The following ST6GAL2 variants were observed in gnomAD, a reference collection of about 807,000 sequenced individuals.
ST6GAL2 encodes the protein beta-galactoside alpha-2,6-sialyltransferase 2.
ST6GAL2 carries 24 observed loss-of-function variants against 37.5 expected under a neutral mutation model. The ratio of observed to expected loss-of-function variants is 0.64; its 90% CI spans 0.46 to 0.90. ST6GAL2 has a LOEUF of 0.90. ST6GAL2 is among the 40% of genes least tolerant of loss of function. The pLI, the probability that ST6GAL2 is intolerant of heterozygous loss-of-function variation, is 0.00. For synonymous variants in ST6GAL2, 306 were observed against 295.1 expected (o/e 1.04, Z -0.38); for missense variants, 715 against 712.7 (o/e 1.00, Z -0.04).
At chr2:106,853,352 G>A (rs1677451178) in intron 1 of ST6GAL2, among the ~76,000 whole-genome samples, 1 of 152,230 alleles carries the variant, frequency 6.6e-6, no homozygotes, top group East Asian at 1.9e-4. Flanking sequence ...CATTTCCAAA[G>A]AGACTACAGG....
intron 1 of ST6GAL2, among the ~76,000 whole-genome samples, chr2:106,880,090 T>A (rs1287406283): frequency 6.6e-6 from 1 of 151,536 alleles, no homozygotes; most frequent in Non-Finnish European, 1.5e-5. Flanking sequence ...TGACATACTT[T>A]TAAAAGAAAA....
intron 3 of ST6GAL2, 22 bp from the exon 4 acceptor site, chr2:106,832,688 A>T (rs1295812309): frequency 6.8e-7 from 1 of 1,466,930 alleles, no homozygotes; most frequent in Admixed American, 1.7e-5. Flanking sequence ...CAGAAAAACC[A>T]TTTCAAAGCC....
intron 1 of ST6GAL2, among the ~76,000 whole-genome samples, chr2:106,860,145 G>A (rs1221018109): frequency 2.6e-5 from 4 of 152,140 alleles, no homozygotes; most frequent in Non-Finnish European, 5.9e-5. Context: ...CCTCCAGCAT[G>A]TTTGCATCCC....
chr2:106,856,545 C>T (rs1330017240), intron 1 of ST6GAL2, among the ~76,000 whole-genome samples: 2 of 152,214 alleles, frequency 1.3e-5, no homozygotes, highest in Non-Finnish European at 2.9e-5. Context: ...ATTTTACCCT[C>T]CTCTGTTTGA....
intron 1 of ST6GAL2, among the ~76,000 whole-genome samples, chr2:106,884,954 T>C (rs1231726803): frequency 6.0e-5 from 7 of 117,350 alleles, no homozygotes; most frequent in African/African-American, 2.5e-4. Flanking sequence ...CACACACATA[T>C]ATACATATGT....
chr2:106,870,342 A>G (rs371633308), intron 1 of ST6GAL2, among the ~76,000 whole-genome samples: 18 of 152,220 alleles, frequency 1.2e-4, no homozygotes, highest in Admixed American at 4.6e-4. Flanking sequence ...AGGGTGAAAA[A>G]CGTGAAAACT....
chr2:106,831,551 C>G (rs2104471554), intron 4 of ST6GAL2, among the ~76,000 whole-genome samples: 1 of 152,170 alleles, frequency 6.6e-6, no homozygotes, highest in East Asian at 1.9e-4. Context: ...ATCAAAGAGC[C>G]CTCTCAAAAA....
intron 1 of ST6GAL2, among the ~76,000 whole-genome samples, chr2:106,883,144 T>C (rs1424585135): frequency 6.6e-6 from 1 of 152,170 alleles, no homozygotes; most frequent in Non-Finnish European, 1.5e-5. Context: ...GTATTTCACC[T>C]GTGGACTAGG....
chr2:106,819,256 C>T (rs902991009), intron 5 of ST6GAL2, among the ~76,000 whole-genome samples: 1 of 151,540 alleles, frequency 6.6e-6, no homozygotes, highest in Non-Finnish European at 1.5e-5. Flanking sequence ...TATAGAACAC[C>T]AAGCAGATTT....
Position 106,806,757 on chromosome 2 carries a change from T to C in ST6GAL2, c.1511A>G (p.His504Arg). ...GGGAAGAACCACCTTGCCCTTGCGA[T>C]GCAAATCCCCCTGCGTGCCCATGTT... is the stretch of plus-strand genomic sequence containing the variant. ...RLNMGTQGDL[H>R]RKGKVVLPGF... Residue 504 changes from histidine (H) to arginine (R), a missense_variant, in exon 6 of 6, where the codon CAT becomes CGT. Around this residue, in one of 3 missense-constraint regions of ST6GAL2, gnomAD observed 198 missense variants for 203.6 expected, o/e 0.97. Transcript: ENST00000409382. 2 of 1,614,196 alleles carry C rather than the reference T, an allele frequency of 1.2e-6. No individual in the cohort carries two copies. Among genetic ancestry groups the C allele is most frequent in the African/African-American group, 1.3e-5 (1 of 75,058 alleles).
chr2:106,842,885 C>G, intron 2 of ST6GAL2, 150 bp downstream of exon 2: 1 of 504,302 alleles, frequency 2.0e-6, no homozygotes, highest in South Asian at 6.4e-5. Flanking sequence ...TGGGAAAGCA[C>G]CTGAAGAATC....
intron 1 of ST6GAL2, among the ~76,000 whole-genome samples, chr2:106,882,904 C>T (rs115034711): frequency 2.9e-3 from 442 of 152,330 alleles, no homozygotes; most frequent in African/African-American, 0.01. Flanking sequence ...CCGCAGTGGG[C>T]AGCATGCCTC....
At chr2:106,876,045 A>G (rs1442952068) in intron 1 of ST6GAL2, among the ~76,000 whole-genome samples, 1 of 152,138 alleles carries the variant, frequency 6.6e-6, no homozygotes, top group Admixed American at 6.5e-5. Flanking sequence ...GCTCACTGCA[A>G]TCTTGAACTC....
In ST6GAL2 at chr2:106,806,880, G is replaced by A. The variant is rs761386990; in HGVS notation, c.1388C>T (p.Thr463Met). The A allele has an allele frequency of 5.6e-6, 9 of 1,614,020 alleles. No homozygotes were observed. Among genetic ancestry groups the A allele is most frequent in the Admixed American group, 1.7e-5 (1 of 60,006 alleles). Residue 463 changes from threonine (T) to methionine (M), a missense_variant, in exon 6 of 6, where the codon ACG becomes ATG. By Grantham distance (81) the Thr-to-Met change is moderately conservative. Transcript: ENST00000409382. ...CAGCTCGTGGTAGTGGCACAGCTCC[G>A]TCTGCCGCACGGATGGGATATATTC... ...VYEYIPSVRQTELCHYHELYY... is the reference protein window; with the variant it reads ...VYEYIPSVRQMELCHYHELYY...
intron 1 of ST6GAL2, among the ~76,000 whole-genome samples, chr2:106,854,563 A>G (rs1234796413): frequency 6.6e-6 from 1 of 152,212 alleles, no homozygotes; most frequent in Admixed American, 6.5e-5. Context: ...AATTTAATTT[A>G]TATGTTGCAT....
chr2:106,884,934 T>TATATACACACACACAC (rs1425070594), intron 1 of ST6GAL2, among the ~76,000 whole-genome samples: 1 of 120,470 alleles, frequency 8.3e-6, no homozygotes, highest in Admixed American at 8.1e-5. Context: ...TATATATATA[T>TATATACACACACACAC]ACATACACAC....
At chr2:106,867,125 GGA>G (rs1197763044) in intron 1 of ST6GAL2, among the ~76,000 whole-genome samples, 1 of 152,156 alleles carries the variant, frequency 6.6e-6, no homozygotes, top group Non-Finnish European at 1.5e-5. Flanking sequence ...TTAGTACCTT[GGA>G]GGGCACTTCT....
intron 3 of ST6GAL2, among the ~76,000 whole-genome samples, chr2:106,833,312 A>G (rs1233792469): frequency 1.3e-5 from 2 of 152,126 alleles, no homozygotes; most frequent in African/African-American, 4.8e-5. Context: ...TCCTTTGTAA[A>G]AAGTTGTTAT....
At chr2:106,824,509 G>A (rs1676127217) in intron 5 of ST6GAL2, among the ~76,000 whole-genome samples, 1 of 152,216 alleles carries the variant, frequency 6.6e-6, no homozygotes, top group East Asian at 1.9e-4. Flanking sequence ...GCACGCGCCT[G>A]TAGTCCCAGC....
Sources: gnomAD v4.1 joint callset for allele counts (sites outside exome capture counted in the v4.1 genomes callset) on GRCh38, gnomAD v4.1.1 for gene constraint, gnomAD v4.1.1 regional missense constraint, MANE v1.5 for transcripts, NCBI Gene and HGNC (gene_info 2026-07-23, HGNC 2026-07-21) for gene names.